The following PDE3B variants were observed in gnomAD, a reference collection of about 807,000 sequenced individuals.
PDE3B encodes cGMP-inhibited 3',5'-cyclic phosphodiesterase 3B.
In PDE3B, 66 loss-of-function variants were observed where a neutral mutation model predicts 116.8. The observed-to-expected ratio is 0.56, with a 90% CI of 0.46 to 0.69. The LOEUF (loss-of-function observed/expected upper bound fraction) is 0.69. Ranked by LOEUF, PDE3B falls within the 30% of genes least tolerant of loss-of-function variation. The pLI is 0.00. For synonymous variants in PDE3B, 595 were observed against 533.6 expected (o/e 1.12, Z -1.59); for missense variants, 1,384 against 1,368.1 (o/e 1.01, Z -0.18).
chr11:14,858,588 A>C (rs1247328364), intron 12 of PDE3B, among the ~76,000 whole-genome samples: 1 of 152,206 alleles, frequency 6.6e-6, no homozygotes, highest in Non-Finnish European at 1.5e-5. Context: ...CCTGGACAGT[A>C]CTGCTTCCTC....
Position 14,644,504 on chromosome 11 carries a change from C to A in PDE3B, c.429C>A (p.Pro143=). The stretch of plus-strand genomic sequence containing the variant: ...TCCTCACCCGGACCAAGCGGGGACC[C>A]GGCCCGGGCCGGAGCTGCGGCTCCT... The part of the protein sequence containing the change: ...TCFLTRTKRG[P]GPGRSCGSWW... Residue 143 remains proline, a synonymous_variant, in exon 1 of 16, where the codon CCC becomes CCA. Transcript: ENST00000282096. The A allele has an allele frequency of 1.9e-6, 3 of 1,610,378 alleles. No homozygotes were observed. Among genetic ancestry groups the A allele is most frequent in the African/African-American group, 1.3e-5 (1 of 74,872 alleles).
At chr11:14,675,016 G>A (rs989066547) in intron 1 of PDE3B, among the ~76,000 whole-genome samples, 1 of 152,112 alleles carries the variant, frequency 6.6e-6, no homozygotes. Context: ...TAAAGGATAC[G>A]GATGTATAAT....
chr11:14,780,843 CA>C (rs1180274861), intron 2 of PDE3B, among the ~76,000 whole-genome samples: 4 of 151,988 alleles, frequency 2.6e-5, no homozygotes, highest in Admixed American at 1.3e-4. Context: ...GATAGAGACA[CA>C]AAAAACCCTT....
chr11:14,867,527 G>A lies in PDE3B; in HGVS notation c.2908G>A (p.Gly970Ser). 6.2e-7 allele frequency: 1 copy of A among 1,613,496 alleles called. No individual in the cohort carries two copies. The highest frequency in any genetic ancestry group is 1.3e-5 in the African/African-American group (1 of 75,004). Reference protein sequence around the residue: ...YEQGDEEANLGLPISPFMDRS... With the variant: ...YEQGDEEANLSLPISPFMDRS... ...GCAGGGAGATGAAGAAGCAAATCTT[G>A]GTCTGCCCATCAGTCCATTCATGGA... Residue 970 changes from glycine (G) to serine (S), a missense_variant, in exon 15 of 16, where the codon GGT becomes AGT. Around this residue, in one of 2 missense-constraint regions of PDE3B, gnomAD observed 428 missense variants for 561.4 expected, o/e 0.76. Transcript: ENST00000282096.
intron 1 of PDE3B, among the ~76,000 whole-genome samples, chr11:14,744,894 A>G (rs1856868195): frequency 6.6e-6 from 1 of 152,246 alleles, no homozygotes; most frequent in East Asian, 1.9e-4. Flanking sequence ...CCCAGGGGAT[A>G]GGGTTATAAT....
chr11:14,715,726 T>C (rs541122733), intron 1 of PDE3B, among the ~76,000 whole-genome samples: 1 of 152,326 alleles, frequency 6.6e-6, no homozygotes, highest in South Asian at 2.1e-4. Flanking sequence ...GACTTCCTCT[T>C]TTCCTAATTG....
chr11:14,644,304 C>CGGGCGCGCCTCTCGCT lies in PDE3B; in HGVS notation c.236_251dup (p.Leu85ProfsTer260). The CGGGCGCGCCTCTCGCT allele has an allele frequency of 6.4e-7, 1 of 1,564,452 alleles. No homozygotes were observed. Among genetic ancestry groups the CGGGCGCGCCTCTCGCT allele is most frequent in the Non-Finnish European group, 8.6e-7 (1 of 1,161,658 alleles). On this transcript the variant is annotated frameshift_variant, in exon 1 of 16. Coordinates refer to ENST00000282096, the MANE Select transcript of PDE3B (RefSeq NM_000922.4). LOFTEE classifies it high-confidence loss of function. ...GCCGCGGCGCTGCTCCCCCTTCTGCCGGGCGCGCCTCTCGCTGGGCGCCCT... is the reference window on the plus strand; with the variant it reads ...GCCGCGGCGCTGCTCCCCCTTCTGCCGGGCGCGCCTCTCGCTGGGCGCGCCTCTCGCTGGGCGCCCT...
At chr11:14,693,285 A>G (rs1296236280) in intron 1 of PDE3B, among the ~76,000 whole-genome samples, 33 of 152,242 alleles carry the variant, frequency 2.2e-4, no homozygotes, top group Admixed American at 2.2e-3. Flanking sequence ...AGCTGCAGCA[A>G]GTTATCTAGA....
chr11:14,722,029 G>A (rs1180175600), intron 1 of PDE3B, among the ~76,000 whole-genome samples: 1 of 151,220 alleles, frequency 6.6e-6, no homozygotes. Flanking sequence ...GGATGAAGCT[G>A]GAAACCAGTC....
chr11:14,781,460 C>T (rs1764101028), intron 2 of PDE3B, among the ~76,000 whole-genome samples: 1 of 152,186 alleles, frequency 6.6e-6, no homozygotes, highest in African/African-American at 2.4e-5. Context: ...AGCTTATCCA[C>T]CATGATCAAG....
In PDE3B at chr11:14,667,030, A is replaced by G. The variant is rs369873751; in HGVS notation, c.978+21977A>G. Among the ~76,000 whole-genome samples the G allele has an allele frequency of 2.7e-3, 413 of 152,286 alleles. 2 individuals carry two copies. The highest frequency in any genetic ancestry group is 9.0e-3 in the African/African-American group (374 of 41,554). ...TTCACAATAGCAAAGACTTGGAACC[A>G]ACCCAAATGTCCAACAATGATAGAC... On this transcript the variant is annotated intron_variant, in intron 1 of 15. Coordinates refer to ENST00000282096, the MANE Select transcript of PDE3B (RefSeq NM_000922.4).
At chr11:14,848,104 A>G (rs1847652604) in intron 12 of PDE3B, among the ~76,000 whole-genome samples, 1 of 144,340 alleles carries the variant, frequency 6.9e-6, no homozygotes, top group Non-Finnish European at 1.5e-5. Context: ...ATACTGGCAA[A>G]CCGAATCCAG....
chr11:14,687,646 A>G (rs1203532999), intron 1 of PDE3B, among the ~76,000 whole-genome samples: 1 of 152,140 alleles, frequency 6.6e-6, no homozygotes, highest in African/African-American at 2.4e-5. Context: ...GAACTTTCCA[A>G]CTGACCCATA....
chr11:14,843,712 T>A, intron 11 of PDE3B, 115 bp from the exon 12 acceptor site: 3 of 763,020 alleles, frequency 3.9e-6, no homozygotes, highest in Non-Finnish European at 6.7e-6. Flanking sequence ...TAGTTCTTAC[T>A]TAAATCAGCA....
chr11:14,687,441 G>A (rs2133801920), intron 1 of PDE3B, among the ~76,000 whole-genome samples: 1 of 152,308 alleles, frequency 6.6e-6, no homozygotes, highest in South Asian at 2.1e-4. Context: ...GTGGTTGAAA[G>A]CCAGTGGGAA....
intron 1 of PDE3B, among the ~76,000 whole-genome samples, chr11:14,685,189 G>T (rs986702448): frequency 1.3e-5 from 2 of 151,992 alleles, no homozygotes; most frequent in African/African-American, 4.8e-5. Context: ...TATTAATTTT[G>T]GGAACTGATA....
At chr11:14,712,632 A>G (rs1005597874) in intron 1 of PDE3B, among the ~76,000 whole-genome samples, 17 of 151,708 alleles carry the variant, frequency 1.1e-4, no homozygotes, top group South Asian at 6.2e-4. Context: ...ACAGCACCAC[A>G]CCCAGCTAAT....
At chr11:14,669,830 TAA>T (rs1372964206) in intron 1 of PDE3B, among the ~76,000 whole-genome samples, 1 of 152,066 alleles carries the variant, frequency 6.6e-6, no homozygotes, top group Non-Finnish European at 1.5e-5. Flanking sequence ...AGTATTGAAA[TAA>T]AGAGTATGTT....
intron 1 of PDE3B, among the ~76,000 whole-genome samples, chr11:14,679,600 G>A (rs368490677): frequency 3.0e-4 from 45 of 151,878 alleles, no homozygotes; most frequent in African/African-American, 8.2e-4. Context: ...GGTGGGCAGC[G>A]CCTAAACACA....
Sources: allele counts gnomAD v4.1 joint callset (sites outside exome capture counted in the v4.1 genomes callset), GRCh38; gene constraint gnomAD v4.1.1; regional missense constraint gnomAD v4.1.1; transcripts MANE v1.5; gene names NCBI Gene and HGNC (gene_info 2026-07-23, HGNC 2026-07-21).